Variants in KHNYN observed in about 807,000 individuals in gnomAD.
KHNYN encodes the protein protein KHNYN.
Under a neutral mutation model 62.7 loss-of-function variants are expected in KHNYN, and 42 were observed. That is an observed-to-expected ratio of 0.67 (90% CI 0.52 to 0.87). The LOEUF (loss-of-function observed/expected upper bound fraction) is 0.87. Ranked by LOEUF, KHNYN falls within the 40% of genes least tolerant of loss-of-function variation. The pLI is 0.00. For missense variants in KHNYN, 829 were observed against 874.1 expected (o/e 0.95, Z 0.65); for synonymous variants, 347 against 345.6 (o/e 1.00, Z -0.04).
upstream of KHNYN, chr14:24,429,382 C>T (rs2043062863): frequency 3.3e-6 from 2 of 609,106 alleles, no homozygotes; most frequent in African/African-American, 1.8e-5. Context: ...GCACTGAGGG[C>T]TGGACCTGGG....
At position 24,432,214 on chromosome 14, in the gene KHNYN, G is replaced by A. The variant is rs755991180; in HGVS notation, c.953G>A (p.Gly318Glu). ...GKEEIALGGG[G>E]FCVHREPPGA... ...GAGGAGATAGCTCTGGGAGGAGGAG[G>A]GTTCTGTGTCCACCGTGAGCCTCCC... The change falls in exon 3 of 8, where the codon GGG becomes GAG. Residue 318 changes from glycine (G) to glutamate (E), a missense_variant. Around this residue, in one of 2 missense-constraint regions of KHNYN, gnomAD observed 559 missense variants for 527.0 expected, o/e 1.06. Transcript: ENST00000553935. This position sits in a 1 kb window ranked among gnomAD's most constrained non-coding sequence, Gnocchi z 5.6. 2 of 1,596,818 alleles carry A rather than the reference G, an allele frequency of 1.3e-6. No individual in the cohort carries two copies. Among genetic ancestry groups the A allele is most frequent in the Non-Finnish European group, 1.7e-6 (2 of 1,170,084 alleles).
Position 24,432,244 on chromosome 14 carries a change from C to T in KHNYN, c.983C>T (p.Ala328Val). The change falls in exon 3 of 8, where the codon GCC becomes GTC. Residue 328 changes from alanine to valine, a missense_variant. Coordinates refer to ENST00000553935, the MANE Select transcript of KHNYN (RefSeq NM_015299.3). The surrounding 1 kb of genome is among the most constrained non-coding windows in gnomAD (Gnocchi z 5.6). ...GFCVHREPPG[A>V]HGSCHRAAQS... ...TGTGTCCACCGTGAGCCTCCCGGTG[C>T]CCATGGCTCCTGTCACAGGGCAGCT... is the stretch of plus-strand genomic sequence containing the variant. The T allele has an allele frequency of 6.2e-7, 1 of 1,610,266 alleles. No individual in the cohort carries two copies. The highest frequency in any genetic ancestry group is 8.5e-7 in the Non-Finnish European group (1 of 1,177,670).
chr14:24,429,813 G>A, upstream of KHNYN: 1 of 1,068,694 alleles, frequency 9.4e-7, no homozygotes, highest in South Asian at 2.4e-5. Flanking sequence ...AGCGCAAGGG[G>A]CGAGCCCTGG....
upstream of KHNYN, chr14:24,427,706 C>G: frequency 7.7e-7 from 1 of 1,291,836 alleles, no homozygotes; most frequent in East Asian, 2.3e-5. The surrounding 1 kb of genome is among the most constrained non-coding windows in gnomAD (Gnocchi z 4.4). Context: ...GAGTCTCTCT[C>G]CTGCCTCTGC....
rs757343590 is a variant in KHNYN at position 24,441,091 on chromosome 14, G to A, written c.*3806G>A. ...CTTGAACTTCTCCATGACCTGAAGC[G>A]TTCCTTCCCTGGAGGAACTCTGGTT... is the stretch of plus-strand genomic sequence containing the variant. On this transcript the variant is annotated 3_prime_UTR_variant, in exon 8 of 8. Transcript: ENST00000553935. The A allele has an allele frequency of 2.3e-5, 17 of 749,224 alleles. 1 individual carries two copies. Among genetic ancestry groups the A allele is most frequent in the East Asian group, 1.4e-4 (5 of 35,388 alleles). The allele number at this position is 749,224 out of a possible 1,614,324, so 46.4% of individuals were successfully genotyped here. A position where few individuals can be genotyped will look rare whatever the true frequency, so the allele number is the denominator to read the frequency against.
upstream of KHNYN, chr14:24,428,687 C>T: frequency 6.7e-7 from 1 of 1,494,722 alleles, no homozygotes. Flanking sequence ...GCAAAGTGGG[C>T]TTGGACAGTT....
At chr14:24,428,742 G>T (rs73593269), upstream of KHNYN, 80,496 of 1,570,210 alleles carry the variant, frequency 0.051, 3,510 homozygotes, top group East Asian at 0.2. Context: ...CTGGACAGGG[G>T]TAGGGGGATT....
At position 24,441,773 on chromosome 14, in the gene KHNYN, C is replaced by T. The variant is rs2043349505; in HGVS notation, c.*4488C>T. ...GTCTCTAGGCGGCTGCCGATTACCT[C>T]TTTTTGGAAGGTTTCATTCCATCTG... On this transcript the variant is annotated 3_prime_UTR_variant, in exon 8 of 8. Coordinates refer to ENST00000553935, the MANE Select transcript of KHNYN (RefSeq NM_015299.3). 2 of 1,604,744 alleles carry T rather than the reference C, an allele frequency of 1.2e-6. No homozygotes were observed. Among genetic ancestry groups the T allele is most frequent in the Non-Finnish European group, 1.7e-6 (2 of 1,177,080 alleles).
At chr14:24,427,338 GC>G (rs573081995), upstream of KHNYN, 91 of 180,218 alleles carry the variant, frequency 5.0e-4, no homozygotes, top group Admixed American at 8.4e-4. This position sits in a 1 kb window ranked among gnomAD's most constrained non-coding sequence, Gnocchi z 4.4. Context: ...GATCCGTGAT[GC>G]TGGCTTTCCT....
chr14:24,428,986 C>G (rs764625082), upstream of KHNYN: 7 of 1,550,418 alleles, frequency 4.5e-6, no homozygotes, highest in Non-Finnish European at 6.1e-6. Context: ...GGGCCAGAAG[C>G]ACCAGAACCA....
intron 5 of KHNYN, among the ~76,000 whole-genome samples, chr14:24,433,494 T>C (rs2043158092): frequency 6.6e-6 from 1 of 152,202 alleles, no homozygotes; most frequent in African/African-American, 2.4e-5. Context: ...CATGGTATAA[T>C]AGAAAGATCA....
chr14:24,432,020 C>G lies in KHNYN; in HGVS notation c.759C>G (p.Tyr253Ter), dbSNP rs543713419. The G allele has an allele frequency of 1.2e-6, 2 of 1,607,878 alleles. No individual in the cohort carries two copies. The highest frequency in any genetic ancestry group is 3.4e-5 in the Admixed American group (2 of 59,698). Residue 253 changes from tyrosine (Y) to a stop codon, truncating the protein, a stop_gained, in exon 3 of 8, where the codon TAC becomes TAG. Transcript: ENST00000553935. LOFTEE classifies it high-confidence loss of function. The surrounding 1 kb of genome is among the most constrained non-coding windows in gnomAD (Gnocchi z 5.6). ...GDCRGARGDTYAVEKEGGKQG... is the reference protein window; with the variant it reads ...GDCRGARGDT The stretch of plus-strand genomic sequence containing the variant: ...GCAGGGGAGCAAGGGGAGACACTTA[C>G]GCTGTGGAGAAGGAGGGAGGGAAAC...
chr14:24,428,331 G>T (rs200556735), upstream of KHNYN: 1 of 1,613,992 alleles, frequency 6.2e-7, no homozygotes, highest in Admixed American at 1.7e-5. Context: ...GGAACCGGAA[G>T]CTGTAGACAC....
At chr14:24,427,686 G>A (rs988359090), upstream of KHNYN, 1 of 1,045,856 alleles carries the variant, frequency 9.6e-7, no homozygotes, top group Non-Finnish European at 1.5e-6. This position sits in a 1 kb window ranked among gnomAD's most constrained non-coding sequence, Gnocchi z 4.4. Context: ...GGTGGGATAG[G>A]AGCCAGAGGG....
chr14:24,433,655 G>A (rs572407629), intron 5 of KHNYN, among the ~76,000 whole-genome samples: 1 of 152,276 alleles, frequency 6.6e-6, no homozygotes, highest in African/African-American at 2.4e-5. Flanking sequence ...AAAAAGATAA[G>A]GTATGTGCTT....
At chr14:24,436,893 C>A in intron 7 of KHNYN, 143 bp from the exon 8 acceptor site, 1 of 1,067,192 alleles carries the variant, frequency 9.4e-7, no homozygotes, top group Non-Finnish European at 1.4e-6. Flanking sequence ...GTTGATACTG[C>A]CACTCAGTGG....
rs763240771 is a variant in KHNYN at position 24,431,634 on chromosome 14, A to C, written c.373A>C (p.Thr125Pro). Reference sequence around the variant, plus strand: ...AGGCTCACTGATGATCAGTGGCCTGACTGAAGCCTTTGTCATGGCTCAGAG... The same window carrying C: ...AGGCTCACTGATGATCAGTGGCCTGCCTGAAGCCTTTGTCATGGCTCAGAG... The part of the protein sequence containing the change: ...APGSLMISGL[T>P]EAFVMAQSRV... Residue 125 changes from threonine (T) to proline (P), a missense_variant, in exon 3 of 8, where the codon ACT becomes CCT. Thr to Pro is a conservative substitution (Grantham distance 38). This residue lies in a region of KHNYN where 559 missense variants were observed against 527.0 expected (regional missense o/e 1.06). Coordinates refer to ENST00000553935, the MANE Select transcript of KHNYN (RefSeq NM_015299.3). 1 of 1,613,820 alleles carries C rather than the reference A, an allele frequency of 6.2e-7. No individual in the cohort carries two copies. Among genetic ancestry groups the C allele is most frequent in the South Asian group, 1.1e-5 (1 of 91,068 alleles).
At position 24,440,353 on chromosome 14, in the gene KHNYN, A is replaced by G. The variant is rs758244174; in HGVS notation, c.*3068A>G. On this transcript the variant is annotated 3_prime_UTR_variant, in exon 8 of 8. Coordinates refer to ENST00000553935, the MANE Select transcript of KHNYN (RefSeq NM_015299.3). ...CGTGCACGTGGTTTGCTTCAAGGGCATGGGTCAGGATTCCTGCCAGGTCCC... is the reference window on the plus strand; with the variant it reads ...CGTGCACGTGGTTTGCTTCAAGGGCGTGGGTCAGGATTCCTGCCAGGTCCC... 4.3e-6 allele frequency: 7 copies of G among 1,613,908 alleles called. No homozygotes were observed. Among genetic ancestry groups the G allele is most frequent in the African/African-American group, 1.3e-5 (1 of 74,938 alleles).
intron 2 of KHNYN, 95 bp from the exon 3 acceptor site, chr14:24,431,368 C>T: frequency 1.0e-6 from 1 of 976,412 alleles, no homozygotes; most frequent in Admixed American, 2.5e-5. Flanking sequence ...GTGGATACTC[C>T]AGACATCCTG....
Sources: allele counts gnomAD v4.1 joint callset (sites outside exome capture counted in the v4.1 genomes callset), GRCh38; gene constraint gnomAD v4.1.1; regional missense constraint gnomAD v4.1.1; non-coding constraint Gnocchi (gnomAD v3.1); transcripts MANE v1.5; gene names NCBI Gene and HGNC (gene_info 2026-07-23, HGNC 2026-07-21).